The following ZMAT4 variants were observed in gnomAD, a reference collection of about 807,000 sequenced individuals.
ZMAT4 encodes the protein zinc finger matrin-type 4, also known as zinc finger matrin-type protein 4.
Under a neutral mutation model 28.7 loss-of-function variants are expected in ZMAT4, and 17 were observed. The observed-to-expected ratio is 0.59, with a 90% CI of 0.41 to 0.89. The LOEUF (loss-of-function observed/expected upper bound fraction) is 0.89, where lower values mean the gene tolerates loss of function less well. Ranked by LOEUF, ZMAT4 falls within the 40% of genes least tolerant of loss-of-function variation. The pLI, the probability that ZMAT4 is intolerant of heterozygous loss-of-function variation, is 0.00. For synonymous variants in ZMAT4, 117 were observed against 109.2 expected, an observed-to-expected ratio of 1.07 and a Z score of -0.44; for missense variants, 240 against 283.8, an observed-to-expected ratio of 0.85 and a Z score of 1.11.
intron 5 of ZMAT4, among the ~76,000 whole-genome samples, chr8:40,589,293 A>T (rs957759131): frequency 2.6e-5 from 4 of 152,214 alleles, no homozygotes; most frequent in African/African-American, 9.6e-5. Context: ...TGGGAGACAG[A>T]GTTGGGTTTT....
chr8:40,859,958 T>A (rs1363124943), intron 1 of ZMAT4, among the ~76,000 whole-genome samples: 1 of 152,200 alleles, frequency 6.6e-6, no homozygotes, highest in African/African-American at 2.4e-5. Flanking sequence ...AGGAAGAGAT[T>A]GTTAACTCTA....
intron 1 of ZMAT4, among the ~76,000 whole-genome samples, chr8:40,891,147 A>G (rs1051528588): frequency 4.5e-4 from 64 of 140,974 alleles, no homozygotes; most frequent in Non-Finnish European, 7.2e-4. Flanking sequence ...ACAGTAAACC[A>G]TAATTGCACC....
At chr8:40,785,749 C>T (rs967800196) in intron 2 of ZMAT4, among the ~76,000 whole-genome samples, 3 of 152,128 alleles carry the variant, frequency 2.0e-5, no homozygotes, top group Non-Finnish European at 4.4e-5. Context: ...TTTTCTCATC[C>T]AGGGAAAATA....
intron 6 of ZMAT4, among the ~76,000 whole-genome samples, chr8:40,570,247 AG>A (rs1195367154): frequency 6.6e-6 from 1 of 152,152 alleles, no homozygotes; most frequent in African/African-American, 2.4e-5. Flanking sequence ...TTGGGCAAAA[AG>A]GGGTCCAAGA....
intron 3 of ZMAT4, among the ~76,000 whole-genome samples, chr8:40,734,785 C>T (rs1811691098): frequency 6.6e-6 from 1 of 151,978 alleles, no homozygotes; most frequent in Non-Finnish European, 1.5e-5. Context: ...TTACTGGAGG[C>T]CAATCTTGAA....
At chr8:40,647,495 G>A (rs1807388931) in intron 5 of ZMAT4, among the ~76,000 whole-genome samples, 1 of 152,154 alleles carries the variant, frequency 6.6e-6, no homozygotes. Context: ...AGCGAGGCTG[G>A]GGGAGGGGCG....
chr8:40,894,082 G>A (rs111595869), intron 1 of ZMAT4, among the ~76,000 whole-genome samples: 1 of 152,238 alleles, frequency 6.6e-6, no homozygotes, highest in Non-Finnish European at 1.5e-5. Flanking sequence ...AAATTTCCCT[G>A]CATGCTAATG....
chr8:40,876,741 G>C (rs1352947004), intron 1 of ZMAT4, among the ~76,000 whole-genome samples: 2 of 152,206 alleles, frequency 1.3e-5, no homozygotes, highest in South Asian at 4.1e-4. Context: ...TAAGGCTTCT[G>C]ATCAGTAGTA....
At chr8:40,824,846 C>A (rs1332494931) in intron 2 of ZMAT4, among the ~76,000 whole-genome samples, 2 of 152,198 alleles carry the variant, frequency 1.3e-5, no homozygotes, top group African/African-American at 2.4e-5. Flanking sequence ...TAGTAGCTCT[C>A]AGCATCCTGG....
chr8:40,535,351 G>C (rs1802812637), intron 6 of ZMAT4, among the ~76,000 whole-genome samples: 2 of 152,150 alleles, frequency 1.3e-5, no homozygotes, highest in Admixed American at 1.3e-4. Context: ...GAAATCTTAA[G>C]ATAGACTAGT....
At chr8:40,708,688 C>T (rs1196056431) in intron 3 of ZMAT4, among the ~76,000 whole-genome samples, 1 of 148,994 alleles carries the variant, frequency 6.7e-6, no homozygotes, top group Non-Finnish European at 1.5e-5. Flanking sequence ...CTCTGTCACC[C>T]ATGCTGCAGG....
At chr8:40,773,695 A>C (rs988847974) in intron 2 of ZMAT4, among the ~76,000 whole-genome samples, 1 of 152,194 alleles carries the variant, frequency 6.6e-6, no homozygotes, top group African/African-American at 2.4e-5. Context: ...AGATTGAGAT[A>C]AGGTATTAGG....
chr8:40,649,658 T>A (rs1020646618), intron 5 of ZMAT4, among the ~76,000 whole-genome samples: 4 of 151,940 alleles, frequency 2.6e-5, no homozygotes, highest in African/African-American at 9.7e-5. Context: ...ATTCCAAAAT[T>A]GACCACATAC....
chr8:40,820,768 T>TGTGTTTACGTGTGTGTATGTGC (rs1451264250), intron 2 of ZMAT4, among the ~76,000 whole-genome samples: 54 of 224 alleles, frequency 0.24, 2 homozygotes, highest in South Asian at 0.5. Flanking sequence ...TATGCATGTG[T>TGTGTTTACGTGTGTGTATGTGC]ATATGTGTTT....
chr8:40,720,806 A>C (rs1341024805), intron 3 of ZMAT4, among the ~76,000 whole-genome samples: 4 of 151,714 alleles, frequency 2.6e-5, no homozygotes, highest in Non-Finnish European at 5.9e-5. Context: ...GATTACAGGC[A>C]TGAGCCACCA....
intron 2 of ZMAT4, among the ~76,000 whole-genome samples, chr8:40,770,080 C>T (rs1813326129): frequency 1.3e-5 from 2 of 152,258 alleles, no homozygotes; most frequent in East Asian, 3.9e-4. Context: ...AGGCAGTGCC[C>T]TTGCCTAGGG....
At chr8:40,843,153 C>T (rs1470728660) in intron 1 of ZMAT4, among the ~76,000 whole-genome samples, 2 of 152,212 alleles carry the variant, frequency 1.3e-5, no homozygotes, top group East Asian at 3.8e-4. Context: ...GAGGCAAGGC[C>T]AAGAAGCAAT....
At chr8:40,642,533 A>G (rs1226470290) in intron 5 of ZMAT4, among the ~76,000 whole-genome samples, 1 of 152,220 alleles carries the variant, frequency 6.6e-6, no homozygotes, top group Non-Finnish European at 1.5e-5. Context: ...AAGACAATAT[A>G]TCATTAACTC....
intron 6 of ZMAT4, among the ~76,000 whole-genome samples, chr8:40,572,637 C>A (rs570790781): frequency 1.3e-5 from 2 of 152,104 alleles, no homozygotes; most frequent in South Asian, 4.1e-4. Context: ...TTATTTTAAT[C>A]ATTTGTACTA....
Sources: allele counts gnomAD v4.1 joint callset (sites outside exome capture counted in the v4.1 genomes callset), GRCh38; gene constraint gnomAD v4.1.1; transcripts MANE v1.5; gene names NCBI Gene and HGNC (gene_info 2026-07-23, HGNC 2026-07-21).